The following TRIO variants were observed in gnomAD, a reference collection of about 807,000 sequenced individuals.
The protein encoded by TRIO is trio Rho guanine nucleotide exchange factor, also known as triple functional domain protein.
Under a neutral mutation model 351.9 loss-of-function variants are expected in TRIO, and 58 were observed. The observed-to-expected ratio is 0.16, with a 90% CI of 0.13 to 0.21. TRIO has a LOEUF of 0.21. Among genes scored for constraint, TRIO ranks in the 10% least tolerant of loss-of-function variants. TRIO has a pLI of 1.00. For missense variants in TRIO, 3,201 were observed against 4,027.8 expected (o/e 0.79, Z 5.56); for synonymous variants, 1,758 against 1,595.7 (o/e 1.10, Z -2.42).
chr5:14,420,153 G>C (rs1488970312), intron 34 of TRIO, 132 bp downstream of exon 34: 2 of 1,367,030 alleles, frequency 1.5e-6, no homozygotes, highest in African/African-American at 1.5e-5. Context: ...CATGGTCACT[G>C]ACTGTCCGGG....
chr5:14,488,341 A>G, intron 48 of TRIO, 81 bp downstream of exon 48: 1 of 1,482,324 alleles, frequency 6.7e-7, no homozygotes, highest in Non-Finnish European at 9.0e-7. Flanking sequence ...GGCTGTTCTC[A>G]CTAACTCGGC....
At chr5:14,321,410 G>A (rs1367706806) in intron 9 of TRIO, among the ~76,000 whole-genome samples, 1 of 152,244 alleles carries the variant, frequency 6.6e-6, no homozygotes, top group East Asian at 1.9e-4. Context: ...GCTTACCTGC[G>A]CCGAATGCCA....
intron 16 of TRIO, among the ~76,000 whole-genome samples, chr5:14,367,538 T>G (rs1744710220): frequency 1.3e-5 from 2 of 152,216 alleles, no homozygotes; most frequent in African/African-American, 4.8e-5. Flanking sequence ...ATGCCAGAAC[T>G]GTCGCAAAAT....
intron 1 of TRIO, among the ~76,000 whole-genome samples, chr5:14,203,267 G>A (rs747292676): frequency 1.3e-5 from 2 of 152,170 alleles, no homozygotes; most frequent in Non-Finnish European, 2.9e-5. Context: ...TCCAGAAGGC[G>A]TTGAGTCCTG....
chr5:14,258,494 A>G (rs1371567476), intron 1 of TRIO, among the ~76,000 whole-genome samples: 1 of 152,186 alleles, frequency 6.6e-6, no homozygotes, highest in African/African-American at 2.4e-5. Flanking sequence ...AGATACTGAG[A>G]TGTCCTGTCA....
intron 21 of TRIO, among the ~76,000 whole-genome samples, chr5:14,381,696 C>G (rs1163423065): frequency 1.3e-5 from 2 of 152,206 alleles, no homozygotes; most frequent in Admixed American, 6.5e-5. Flanking sequence ...TCGTGTTGCT[C>G]ACGCTCAGTT....
At chr5:14,501,300 A>C (rs1009586881) in intron 53 of TRIO, among the ~76,000 whole-genome samples, 1 of 152,234 alleles carries the variant, frequency 6.6e-6, no homozygotes, top group African/African-American at 2.4e-5. Context: ...CAAATGTGCC[A>C]GCATTAACAA....
At chr5:14,370,579 CAG>C (rs1188148430) in intron 18 of TRIO, among the ~76,000 whole-genome samples, 2 of 152,168 alleles carry the variant, frequency 1.3e-5, no homozygotes, top group African/African-American at 2.4e-5. Context: ...CGTCATCTGA[CAG>C]AGTTATTGTT....
In TRIO at chr5:14,358,257, T is replaced by C; in HGVS notation, c.2126T>C (p.Leu709Pro). The change falls in exon 12 of 57, where the codon CTC (leucine) becomes CCC (proline). Residue 709 changes from leucine to proline, a missense_variant. Coordinates refer to ENST00000344204, the MANE Select transcript of TRIO (RefSeq NM_007118.4). The part of the protein sequence containing the change: ...YAESVEAVQD[L>P]IKRFGQQQQT... The stretch of plus-strand genomic sequence containing the variant: ...GAGTCGGTGGAGGCCGTGCAGGACC[T>C]CATCAAGCGCTTTGGCCAGCAGCAG... The C allele has an allele frequency of 6.2e-7, 1 of 1,614,062 alleles. No individual in the cohort carries two copies.
chr5:14,289,552 T>C (rs891913273), intron 4 of TRIO, among the ~76,000 whole-genome samples: 1 of 85,572 alleles, frequency 1.2e-5, no homozygotes, highest in Non-Finnish European at 2.3e-5. Flanking sequence ...TTTTTTTCCT[T>C]TTTTAAAAAA....
At chr5:14,445,739 C>A (rs756603383) in intron 34 of TRIO, among the ~76,000 whole-genome samples, 1 of 152,172 alleles carries the variant, frequency 6.6e-6, no homozygotes, top group Non-Finnish European at 1.5e-5. Context: ...CCTCTTTTAT[C>A]CTTGAAAGCT....
At chr5:14,348,685 G>A (rs540972077) in intron 11 of TRIO, among the ~76,000 whole-genome samples, 3 of 144,612 alleles carry the variant, frequency 2.1e-5, no homozygotes, top group East Asian at 1.9e-4. Context: ...GTACGCACAT[G>A]AGCATGTTTT....
intron 44 of TRIO, 77 bp from the exon 45 acceptor site, chr5:14,481,463 CA>C: frequency 6.4e-7 from 1 of 1,551,430 alleles, no homozygotes; most frequent in Non-Finnish European, 8.9e-7. Context: ...AACAGAACTT[CA>C]TCAGGTCAGA....
intron 41 of TRIO, chr5:14,477,191 G>A: frequency 2.1e-6 from 1 of 480,658 alleles, no homozygotes; most frequent in Non-Finnish European, 3.7e-6. Flanking sequence ...CAACAGTACA[G>A]GTTGGTGAGA....
At chr5:14,279,600 C>T (rs989829201) in intron 2 of TRIO, among the ~76,000 whole-genome samples, 1 of 152,196 alleles carries the variant, frequency 6.6e-6, no homozygotes, top group African/African-American at 2.4e-5. Flanking sequence ...TTTAGTGATA[C>T]CAAGCTGACT....
intron 1 of TRIO, among the ~76,000 whole-genome samples, chr5:14,257,608 G>T (rs1244667293): frequency 6.6e-6 from 1 of 152,116 alleles, no homozygotes; most frequent in Non-Finnish European, 1.5e-5. Context: ...AGATCTTCCC[G>T]AGTGGCTTGA....
intron 34 of TRIO, among the ~76,000 whole-genome samples, chr5:14,423,982 A>C (rs780658013): frequency 1.4e-5 from 2 of 145,354 alleles, no homozygotes; most frequent in African/African-American, 5.2e-5. Context: ...GTTTGAGACT[A>C]CAGTGAGCTA....
chr5:14,508,860 G>T lies in TRIO; in HGVS notation c.*438G>T. On this transcript the variant is annotated 3_prime_UTR_variant, in exon 57 of 57. Transcript: ENST00000344204. ...GCGGCCACTCCCATGGCCTTGTCTA[G>T]GACTCAGAGACCACTCGGCTCTGAG... 1 of 172,436 alleles carries T rather than the reference G, an allele frequency of 5.8e-6. No homozygotes were observed. 10.7% of individuals were successfully genotyped at this position (172,436 alleles called of 1,614,324 possible).
At chr5:14,370,478 T>A (rs1300824799) in intron 18 of TRIO, among the ~76,000 whole-genome samples, 6 of 152,142 alleles carry the variant, frequency 3.9e-5, no homozygotes, top group Non-Finnish European at 7.4e-5. Flanking sequence ...GTGGTCACTT[T>A]TCCTCCTTAC....
Sources: gnomAD v4.1 joint callset for allele counts (sites outside exome capture counted in the v4.1 genomes callset) on GRCh38, gnomAD v4.1.1 for gene constraint, MANE v1.5 for transcripts, NCBI Gene and HGNC (gene_info 2026-07-23, HGNC 2026-07-21) for gene names.